The following ARFGEF1 variants were observed in gnomAD, a reference collection of about 807,000 sequenced individuals.
ARFGEF1 encodes brefeldin A-inhibited guanine nucleotide-exchange protein 1.
In ARFGEF1, 42 loss-of-function variants were observed where a neutral mutation model predicts 231.0. The ratio of observed to expected loss-of-function variants is 0.18; its 90% CI spans 0.14 to 0.24. ARFGEF1 has a LOEUF of 0.24. Ranked by LOEUF, ARFGEF1 falls within the 10% of genes least tolerant of loss-of-function variation. The pLI is 1.00. For synonymous variants in ARFGEF1, 710 were observed against 732.3 expected (o/e 0.97, Z 0.49); for missense variants, 1,345 against 2,192.0 (o/e 0.61, Z 7.72).
At chr8:67,261,880 G>A (rs916402983) in intron 14 of ARFGEF1, among the ~76,000 whole-genome samples, 3 of 144,254 alleles carry the variant, frequency 2.1e-5, no homozygotes, top group Admixed American at 7.1e-5. Flanking sequence ...CTACATTGCC[G>A]ACGCTGATCT....
chr8:67,218,207 AATATATATATATAT>A, intron 30 of ARFGEF1, 69 bp from the exon 31 acceptor site: 3 of 87,322 alleles, frequency 3.4e-5, no homozygotes, highest in Non-Finnish European at 5.7e-5. Flanking sequence ...AAAAAAAAAA[AATATATATATATAT>A]ATATATATAT....
At chr8:67,261,212 T>C (rs974698687) in intron 14 of ARFGEF1, among the ~76,000 whole-genome samples, 1 of 152,176 alleles carries the variant, frequency 6.6e-6, no homozygotes, top group African/African-American at 2.4e-5. Context: ...AGATTTTCCA[T>C]GTAGATAAAA....
At chr8:67,179,397 A>G (rs989726782) in intron 5 of ARFGEF1, among the ~76,000 whole-genome samples, 1 of 152,200 alleles carries the variant, frequency 6.6e-6, no homozygotes, top group East Asian at 1.9e-4. Context: ...CTCTTAATTC[A>G]TCTTTGTATC....
intron 10 of ARFGEF1, among the ~76,000 whole-genome samples, chr8:67,267,786 C>T (rs377757794): frequency 1.3e-5 from 2 of 152,068 alleles, no homozygotes; most frequent in South Asian, 2.1e-4. Context: ...CCTCCAAAAG[C>T]GTAATTTATA....
chr8:67,280,877 CAT>C (rs1188992601), intron 7 of ARFGEF1, among the ~76,000 whole-genome samples: 1 of 152,020 alleles, frequency 6.6e-6, no homozygotes, highest in African/African-American at 2.4e-5. Context: ...TAGGCAAAAA[CAT>C]AAAGTTTACA....
At chr8:67,302,218 A>G (rs1012594523) in intron 2 of ARFGEF1, among the ~76,000 whole-genome samples, 1 of 152,034 alleles carries the variant, frequency 6.6e-6, no homozygotes, top group African/African-American at 2.4e-5. Context: ...ATATGCATAC[A>G]TTTTTATAAA....
chr8:67,340,517 A>G (rs1322567917), intron 1 of ARFGEF1, among the ~76,000 whole-genome samples: 1 of 152,214 alleles, frequency 6.6e-6, no homozygotes, highest in Non-Finnish European at 1.5e-5. Context: ...CAAGGACAAT[A>G]CATTTGTGGG....
rs774415231 is a variant in ARFGEF1 at position 67,332,111 on chromosome 8, T to C, written c.124+11053A>G. On this transcript the variant is annotated intron_variant, in intron 1 of 38. Coordinates refer to ENST00000262215, the MANE Select transcript of ARFGEF1 (RefSeq NM_006421.5). ...TAGGTAGGAAGACAACATAGATATA[T>C]AGAAAATGCACATGAAATATTGATG... 1.0e-3 allele frequency among the ~76,000 whole-genome samples: 152 copies of C among 152,238 alleles called. 1 individual carries two copies. Among genetic ancestry groups the C allele is most frequent in the South Asian group, 1.0e-3 (5 of 4,820 alleles).
downstream of ARFGEF1, chr8:67,193,558 G>A (rs768899319): frequency 2.4e-5 from 38 of 1,613,790 alleles, no homozygotes; most frequent in Non-Finnish European, 2.9e-5. Context: ...AATGAGGAAC[G>A]AATGCGAAGA....
At chr8:67,232,752 A>T in intron 23 of ARFGEF1, 103 bp downstream of exon 23, 1 of 869,180 alleles carries the variant, frequency 1.2e-6, no homozygotes, top group Non-Finnish European at 1.7e-6. Flanking sequence ...ATATTACTTT[A>T]GAAAAATGAT....
chr8:67,195,754 T>TA, downstream of ARFGEF1: 1 of 608,056 alleles, frequency 1.6e-6, no homozygotes. Context: ...TGTACATAAA[T>TA]AAAAGGCCAT....
At chr8:67,184,744 T>TATAATAATAATA (rs377423199) in intron 5 of ARFGEF1, among the ~76,000 whole-genome samples, 4,990 of 142,470 alleles carry the variant, frequency 0.035, 109 homozygotes, top group African/African-American at 0.057. Flanking sequence ...AATAAAAAAA[T>TATAATAATAATA]ATAATAATAA....
At position 67,198,621 on chromosome 8, in the gene ARFGEF1, G is replaced by T. The variant is rs1220691983; in HGVS notation, c.*313C>A. Reference sequence around the variant, plus strand: ...AATCTTTACATCTATAGTTCTTTGGGTAAGTTTCACTTCCACACCTGCCAA... The same window carrying T: ...AATCTTTACATCTATAGTTCTTTGGTTAAGTTTCACTTCCACACCTGCCAA... On this transcript the variant is annotated 3_prime_UTR_variant, in exon 39 of 39. Transcript: ENST00000262215. The T allele has an allele frequency of 1.2e-5, 13 of 1,081,100 alleles. No homozygotes were observed. The highest frequency in any genetic ancestry group is 1.5e-5 in the Non-Finnish European group (13 of 891,844). The allele number at this position is 1,081,100 out of a possible 1,614,324, so 67.0% of individuals were successfully genotyped here.
intron 1 of ARFGEF1, among the ~76,000 whole-genome samples, chr8:67,324,160 A>G (rs1017867867): frequency 6.6e-6 from 1 of 151,942 alleles, no homozygotes; most frequent in Non-Finnish European, 1.5e-5. Context: ...TGCAACAACA[A>G]TTTCACTCCT....
intron 38 of ARFGEF1, chr8:67,199,821 ATT>A (rs927445068): frequency 6.1e-6 from 1 of 165,056 alleles, no homozygotes; most frequent in Non-Finnish European, 1.3e-5. Flanking sequence ...GTAAGTTGCT[ATT>A]TTTTTTTCTA....
chr8:67,339,729 G>A (rs1304133861), intron 1 of ARFGEF1, among the ~76,000 whole-genome samples: 1 of 140,280 alleles, frequency 7.1e-6, no homozygotes, highest in African/African-American at 2.7e-5. Flanking sequence ...ACCAAAAGAG[G>A]GCAACCTGGA....
In ARFGEF1 at chr8:67,200,500, C is replaced by A; in HGVS notation, c.5281G>T (p.Ala1761Ser). Residue 1761 changes from alanine to serine, a missense_variant, in exon 38 of 39, where the codon GCA becomes TCA. By Grantham distance (99) the Ala-to-Ser change is moderately conservative. This residue lies in a region of ARFGEF1 where 161 missense variants were observed against 284.9 expected (regional missense o/e 0.57). Transcript: ENST00000262215. ...QQRLLNVCSE[A>S]LSYFLTLTSE... ...GTTAGAGTGAGGAAGTAACTTAGTG[C>A]TTCACTGCAGACACTGCAAAAGAAA... The A allele has an allele frequency of 6.3e-7, 1 of 1,590,940 alleles. No individual in the cohort carries two copies. The highest frequency in any genetic ancestry group is 2.2e-5 in the East Asian group (1 of 44,774).
chr8:67,190,159 G>A (rs978140498), intron 5 of ARFGEF1, among the ~76,000 whole-genome samples: 3 of 152,142 alleles, frequency 2.0e-5, no homozygotes, highest in African/African-American at 7.2e-5. Context: ...ATTCATAATT[G>A]CTAGCAGCTA....
At chr8:67,210,524 A>G (rs967942656) in intron 34 of ARFGEF1, among the ~76,000 whole-genome samples, 2 of 152,152 alleles carry the variant, frequency 1.3e-5, no homozygotes, top group African/African-American at 4.8e-5. Flanking sequence ...GCTCCTGCTT[A>G]GAAAGCAACG....
Sources: allele counts gnomAD v4.1 joint callset (sites outside exome capture counted in the v4.1 genomes callset), GRCh38; gene constraint gnomAD v4.1.1; regional missense constraint gnomAD v4.1.1; transcripts MANE v1.5; gene names NCBI Gene and HGNC (gene_info 2026-07-23, HGNC 2026-07-21).